PAPPA: variants seen among roughly 807,000 people sequenced by gnomAD.
PAPPA encodes pappalysin-1.
In PAPPA, 60 loss-of-function variants were observed where a neutral mutation model predicts 164.0. That is an observed-to-expected ratio of 0.37 (90% CI 0.30 to 0.45). The LOEUF is 0.45. Among genes scored for constraint, PAPPA ranks in the 20% least tolerant of loss-of-function variants. The pLI, the probability that PAPPA is intolerant of heterozygous loss-of-function variation, is 1.00. For missense variants in PAPPA, 1,782 were observed against 2,087.3 expected (o/e 0.85, Z 2.85); for synonymous variants, 875 against 814.1 (o/e 1.07, Z -1.27).
Position 116,265,993 on chromosome 9 carries a change from G to T in PAPPA, c.2861+8G>T. On this transcript the variant is annotated splice_region_variant and intron_variant, in intron 8 of 21. Coordinates refer to ENST00000328252, the MANE Select transcript of PAPPA (RefSeq NM_002581.5). ...CGATGGCATTATACAAAAGTAAGTA[G>T]ATCTAATTAAAGAAAGAAGAGGAGG... 6.3e-7 allele frequency: 1 copy of T among 1,593,546 alleles called. No individual in the cohort carries two copies. The highest frequency in any genetic ancestry group is 1.1e-5 in the South Asian group (1 of 89,900).
rs773717586 is a variant in PAPPA at position 116,187,838 on chromosome 9, A to T, written c.1100A>T (p.Asn367Ile). ...VVNLYEDDHK[N>I]PTVTREQVDF... ...AACCTCTATGAAGATGATCATAAGAACCCGACGGTGACGCGCGAGCAGGTG... is the reference window on the plus strand; with the variant it reads ...AACCTCTATGAAGATGATCATAAGATCCCGACGGTGACGCGCGAGCAGGTG... The change falls in exon 2 of 22, where the codon AAC becomes ATC. Residue 367 changes from asparagine to isoleucine, a missense_variant. This residue lies in a region of PAPPA where 1,324 missense variants were observed against 1,656.9 expected (regional missense o/e 0.80). Transcript: ENST00000328252. The surrounding 1 kb of genome is among the most constrained non-coding windows in gnomAD (Gnocchi z 4.2). The T allele has an allele frequency of 1.9e-6, 3 of 1,614,026 alleles. No individual in the cohort carries two copies. The African/African-American group carries it at 4.0e-5, about 22-fold the overall frequency.
chr9:116,321,901 G>T (rs1845861016), intron 10 of PAPPA, among the ~76,000 whole-genome samples: 1 of 152,136 alleles, frequency 6.6e-6, no homozygotes, highest in Non-Finnish European at 1.5e-5. Context: ...TTACCTCAAG[G>T]GTATGGACCA....
Position 116,189,174 on chromosome 9 carries a change from T to C in PAPPA, c.1478+958T>C, listed in dbSNP as rs564554810. The stretch of plus-strand genomic sequence containing the variant: ...AACAACAAGATCAATACATTTGGTG[T>C]AATAGAACAAATCTAGAGGGCTAAT... On this transcript the variant is annotated intron_variant, in intron 2 of 21. Transcript: ENST00000328252. 3.3e-5 allele frequency among the ~76,000 whole-genome samples: 5 copies of C among 152,302 alleles called. No individual in the cohort carries two copies. In the South Asian group the frequency reaches 1.0e-3, roughly 32 times the overall value.
intron 13 of PAPPA, among the ~76,000 whole-genome samples, chr9:116,340,656 C>T (rs145874400): frequency 3.9e-5 from 6 of 152,274 alleles, no homozygotes; most frequent in East Asian, 1.9e-4. Context: ...AAGCAAGATG[C>T]CTCAATCCCT....
At position 116,215,466 on chromosome 9, in the gene PAPPA, T is replaced by C. The variant is rs542480641; in HGVS notation, c.1918+3534T>C. On this transcript the variant is annotated intron_variant, in intron 4 of 21. Transcript: ENST00000328252. Reference sequence around the variant, plus strand: ...GGGACATGGTTGGAGCTGGAAGCCATTGTCCTTAGCAAACTAATGCAAGAA... The same window carrying C: ...GGGACATGGTTGGAGCTGGAAGCCACTGTCCTTAGCAAACTAATGCAAGAA... Among the ~76,000 whole-genome samples the C allele has an allele frequency of 2.6e-5, 4 of 152,256 alleles. No individual in the cohort carries two copies. The South Asian group carries it at 8.3e-4, about 32-fold the overall frequency.
chr9:116,296,296 A>G (rs374711641), intron 9 of PAPPA, among the ~76,000 whole-genome samples: 34 of 152,370 alleles, frequency 2.2e-4, no homozygotes, highest in African/African-American at 7.9e-4. Flanking sequence ...AGCATTACAA[A>G]TAAGTACACA....
At chr9:116,371,520 C>T (rs896190724) in intron 19 of PAPPA, among the ~76,000 whole-genome samples, 10 of 152,214 alleles carry the variant, frequency 6.6e-5, no homozygotes, top group Non-Finnish European at 4.4e-5. Flanking sequence ...AAATATAACA[C>T]CCATACACAT....
At chr9:116,314,015 A>T (rs1005739090) in intron 10 of PAPPA, among the ~76,000 whole-genome samples, 3 of 145,094 alleles carry the variant, frequency 2.1e-5, no homozygotes, top group African/African-American at 7.6e-5. Flanking sequence ...CTTGGAATAG[A>T]GTAAGTACTA....
Position 116,353,750 on chromosome 9 carries a change from A to C in PAPPA, c.4304A>C (p.Asn1435Thr). ...CAGTGTACTAATGGCTTCCAGTTCA[A>C]CAGTGAGTGTAGGATCAAGTGTGAA... ...LYQCTNGFQFNSECRIKCEDS... is the reference protein window; with the variant it reads ...LYQCTNGFQFTSECRIKCEDS... The change falls in exon 17 of 22, where the codon AAC (asparagine) becomes ACC (threonine). Residue 1435 changes from asparagine to threonine, a missense_variant. Physicochemically the swap from Asn to Thr is moderately conservative, Grantham distance 65. Transcript: ENST00000328252. The C allele has an allele frequency of 6.2e-7, 1 of 1,614,140 alleles. No homozygotes were observed. The highest frequency in any genetic ancestry group is 8.5e-7 in the Non-Finnish European group (1 of 1,179,980).
At chr9:116,391,171 A>G (rs1051910797) in intron 21 of PAPPA, among the ~76,000 whole-genome samples, 2 of 152,022 alleles carry the variant, frequency 1.3e-5, no homozygotes. Context: ...CCACATGACC[A>G]CTTTATCTTC....
At chr9:116,202,532 G>A (rs952217864) in intron 2 of PAPPA, among the ~76,000 whole-genome samples, 4 of 152,102 alleles carry the variant, frequency 2.6e-5, no homozygotes, top group African/African-American at 4.8e-5. Flanking sequence ...CAGGGGACCC[G>A]CAATCTCAAT....
At position 116,187,155 on chromosome 9, in the gene PAPPA, G is replaced by T. The variant is rs138083509; in HGVS notation, c.417G>T (p.Gly139=). The T allele has an allele frequency of 3.1e-6, 5 of 1,608,054 alleles. No homozygotes were observed. The highest frequency in any genetic ancestry group is 4.3e-6 in the Non-Finnish European group (5 of 1,174,602). The change falls in exon 2 of 22, where the codon GGG becomes GGT. Residue 139 remains glycine, a splice_region_variant and synonymous_variant. Transcript: ENST00000328252. This position sits in a 1 kb window ranked among gnomAD's most constrained non-coding sequence, Gnocchi z 4.2. Reference sequence around the variant, plus strand: ...TCTTTCTCTTTTGGGGCCACATAGGGCTGTATGACAAATGTTCTTATATCT... The same window carrying T: ...TCTTTCTCTTTTGGGGCCACATAGGTCTGTATGACAAATGTTCTTATATCT... ...GGQRSPAVIT[G]LYDKCSYISR...
chr9:116,221,387 A>G (rs1397705759), intron 5 of PAPPA, among the ~76,000 whole-genome samples: 1 of 152,194 alleles, frequency 6.6e-6, no homozygotes, highest in Admixed American at 6.5e-5. Context: ...AAAAATAATA[A>G]CCATGCTAAT....
chr9:116,292,958 T>C (rs1170440352), intron 9 of PAPPA, among the ~76,000 whole-genome samples: 1 of 152,168 alleles, frequency 6.6e-6, no homozygotes, highest in East Asian at 1.9e-4. Context: ...GAGGGAGGAC[T>C]GCAAGAAGAC....
chr9:116,278,778 T>G (rs1845232538), intron 9 of PAPPA, among the ~76,000 whole-genome samples: 2 of 152,190 alleles, frequency 1.3e-5, no homozygotes, highest in Admixed American at 1.3e-4. Flanking sequence ...TTTAGGCATC[T>G]CTCAATACCT....
chr9:116,212,402 TGC>T, intron 4 of PAPPA, among the ~76,000 whole-genome samples: 1 of 152,198 alleles, frequency 6.6e-6, no homozygotes, highest in East Asian at 1.9e-4. Context: ...GGGGATGCCC[TGC>T]ACTTCCCTTT....
rs73656806 is a variant in PAPPA, at chr9:116,334,356, C to T, written c.3398-505C>T. Among the ~76,000 whole-genome samples the T allele has an allele frequency of 8.3e-3, 1,256 of 152,174 alleles. 18 individuals carry two copies. Among genetic ancestry groups the T allele is most frequent in the African/African-American group, 0.029 (1,203 of 41,494 alleles). On this transcript the variant is annotated intron_variant, in intron 12 of 21. Coordinates refer to ENST00000328252, the MANE Select transcript of PAPPA (RefSeq NM_002581.5). ...GAAAACCACCCCTGCCCACGATTCT[C>T]AACCTCTTCTGCAGACTAAGCAAGA... is the stretch of plus-strand genomic sequence containing the variant.
chr9:116,240,135 G>C (rs1844718657), intron 7 of PAPPA, among the ~76,000 whole-genome samples: 2 of 152,196 alleles, frequency 1.3e-5, no homozygotes, highest in African/African-American at 2.4e-5. Flanking sequence ...GTGAACAGTA[G>C]CTCACTCTCA....
rs1261546195 is a variant in PAPPA at position 116,282,721 on chromosome 9, A to G, written c.2953+11305A>G. Among the ~76,000 whole-genome samples the G allele has an allele frequency of 2.0e-5, 3 of 152,326 alleles. No homozygotes were observed. In the South Asian group the frequency reaches 6.2e-4, roughly 32 times the overall value. On this transcript the variant is annotated intron_variant, in intron 9 of 21. Transcript: ENST00000328252. Reference sequence around the variant, plus strand: ...ACATCTCCATCATTAAGGTTATCTAATAAAGTGTGTACTCTCAAGAGCTGA... The same window carrying G: ...ACATCTCCATCATTAAGGTTATCTAGTAAAGTGTGTACTCTCAAGAGCTGA...
Sources: allele counts gnomAD v4.1 joint callset (sites outside exome capture counted in the v4.1 genomes callset), GRCh38; gene constraint gnomAD v4.1.1; regional missense constraint gnomAD v4.1.1; non-coding constraint Gnocchi (gnomAD v3.1); transcripts MANE v1.5; gene names NCBI Gene and HGNC (gene_info 2026-07-23, HGNC 2026-07-21).